The following LDAH variants were observed in gnomAD, a reference collection of about 807,000 sequenced individuals.
LDAH encodes the protein lipid droplet associated hydrolase.
LDAH carries 26 observed loss-of-function variants against 29.6 expected under a neutral mutation model. That is an observed-to-expected ratio of 0.88 (90% CI 0.64 to 1.22). The LOEUF (loss-of-function observed/expected upper bound fraction) is 1.22. LDAH is among the 50% of genes most tolerant of loss of function. LDAH has a pLI of 0.00. For synonymous variants in LDAH, 117 were observed against 133.0 expected, an observed-to-expected ratio of 0.88 and a Z score of 0.83; for missense variants, 344 against 387.3, an observed-to-expected ratio of 0.89 and a Z score of 0.94.
chr2:20,697,125 A>G (rs752112176), intron 6 of LDAH, among the ~76,000 whole-genome samples: 3 of 152,116 alleles, frequency 2.0e-5, no homozygotes, highest in Non-Finnish European at 4.4e-5. Flanking sequence ...ATCCACTTGC[A>G]TGTCCCACTG....
chr2:20,692,232 A>T (rs1278993159), intron 6 of LDAH, among the ~76,000 whole-genome samples: 2 of 152,222 alleles, frequency 1.3e-5, no homozygotes, highest in African/African-American at 4.8e-5. Context: ...CTTAAATACA[A>T]CAGGCAGACA....
intron 4 of LDAH, among the ~76,000 whole-genome samples, chr2:20,742,090 C>T (rs985317798): frequency 6.6e-6 from 1 of 152,126 alleles, no homozygotes; most frequent in African/African-American, 2.4e-5. Context: ...GTTTAATCTC[C>T]ATGTATTTTG....
intron 5 of LDAH, among the ~76,000 whole-genome samples, chr2:20,739,423 C>A (rs533879694): frequency 6.6e-6 from 1 of 152,250 alleles, no homozygotes; most frequent in South Asian, 2.1e-4. Flanking sequence ...TTTAAAACAA[C>A]TTTTGAAGCC....
intron 2 of LDAH, among the ~76,000 whole-genome samples, chr2:20,791,887 C>G (rs1670981884): frequency 6.6e-6 from 1 of 152,086 alleles, no homozygotes; most frequent in Non-Finnish European, 1.5e-5. Flanking sequence ...TCTTCAGACC[C>G]AATACTACAT....
chr2:20,695,062 G>A (rs780017366), intron 6 of LDAH, among the ~76,000 whole-genome samples: 1 of 152,234 alleles, frequency 6.6e-6, no homozygotes, highest in Non-Finnish European at 1.5e-5. Flanking sequence ...GTACTGGAAT[G>A]GTTTTACTCA....
Position 20,685,527 on chromosome 2 carries a change from G to A in LDAH, c.*1376C>T. On this transcript the variant is annotated 3_prime_UTR_variant, in exon 7 of 7. Transcript: ENST00000237822. The stretch of plus-strand genomic sequence containing the variant: ...GATGTAGAAGCTATGCCAAAGCACA[G>A]TAACTCATTCAGCACTTACCAATAA... 1 of 1,549,486 alleles carries A rather than the reference G, an allele frequency of 6.5e-7. No homozygotes were observed. The highest frequency in any genetic ancestry group is 8.7e-7 in the Non-Finnish European group (1 of 1,146,612).
At chr2:20,758,522 T>C (rs575801562) in intron 4 of LDAH, among the ~76,000 whole-genome samples, 5 of 152,316 alleles carry the variant, frequency 3.3e-5, no homozygotes, top group Admixed American at 3.3e-4. Context: ...AGAGTTACTG[T>C]ATGCAGATTA....
At chr2:20,799,278 C>T (rs1671507959) in intron 2 of LDAH, among the ~76,000 whole-genome samples, 1 of 152,024 alleles carries the variant, frequency 6.6e-6, no homozygotes, top group African/African-American at 2.4e-5. Flanking sequence ...CAGGAATATA[C>T]CAGTGTTAAA....
At chr2:20,782,078 A>G (rs1045569512) in intron 3 of LDAH, among the ~76,000 whole-genome samples, 2 of 152,182 alleles carry the variant, frequency 1.3e-5, no homozygotes, top group African/African-American at 4.8e-5. Context: ...GTTTATTGTG[A>G]ACATCTAGGG....
chr2:20,734,434 A>G (rs558385165), intron 5 of LDAH, among the ~76,000 whole-genome samples: 1 of 152,266 alleles, frequency 6.6e-6, no homozygotes, highest in Admixed American at 6.5e-5. Context: ...GATTTTGAGT[A>G]TCTCTTTTGA....
At chr2:20,729,013 A>C (rs1666212866) in intron 5 of LDAH, among the ~76,000 whole-genome samples, 1 of 152,240 alleles carries the variant, frequency 6.6e-6, no homozygotes, top group Non-Finnish European at 1.5e-5. Context: ...GATTTACAAA[A>C]TGTATTTCAT....
chr2:20,795,006 C>T (rs1271896346), intron 2 of LDAH, among the ~76,000 whole-genome samples: 1 of 152,146 alleles, frequency 6.6e-6, no homozygotes, highest in Non-Finnish European at 1.5e-5. Context: ...AAGGCCTACA[C>T]TTATGCAACT....
chr2:20,709,652 T>C (rs1664562634), intron 5 of LDAH, among the ~76,000 whole-genome samples: 1 of 152,126 alleles, frequency 6.6e-6, no homozygotes, highest in Non-Finnish European at 1.5e-5. Flanking sequence ...ATTCCACCTA[T>C]AGACAAGAGA....
At chr2:20,701,251 A>G (rs1453586601) in intron 6 of LDAH, among the ~76,000 whole-genome samples, 1 of 152,198 alleles carries the variant, frequency 6.6e-6, no homozygotes, top group South Asian at 2.1e-4. Context: ...ATATTCCAAC[A>G]TTATTTATTC....
Position 20,688,580 on chromosome 2 carries a change from G to A in LDAH, c.787-1486C>T, listed in dbSNP as rs144671374. 1.7e-3 allele frequency among the ~76,000 whole-genome samples: 260 copies of A among 152,264 alleles called. 2 individuals carry two copies. Among genetic ancestry groups the A allele is most frequent in the African/African-American group, 5.9e-3 (246 of 41,536 alleles). ...GGGAGGAGAGTGCAGGGAAGCAGGC[G>A]TTATTGCTCACTGGATAGTTTGAGT... On this transcript the variant is annotated intron_variant, in intron 6 of 6. Transcript: ENST00000237822.
chr2:20,717,778 AGT>A lies in LDAH; in HGVS notation c.704-16128_704-16127del, dbSNP rs571168143. Among the ~76,000 whole-genome samples the A allele has an allele frequency of 1.4e-3, 208 of 151,756 alleles. No homozygotes were observed. In the Middle Eastern group the frequency reaches 0.034, roughly 25 times the overall value. ...TTGTGATCAAAGTTAGGTTGCTATCAGTGTGTGTGTGTGTCTGTGTGTGTTTG... is the reference window on the plus strand; with the variant it reads ...TTGTGATCAAAGTTAGGTTGCTATCAGTGTGTGTGTGTCTGTGTGTGTTTG... On this transcript the variant is annotated intron_variant, in intron 5 of 6. Transcript: ENST00000237822.
intron 5 of LDAH, among the ~76,000 whole-genome samples, chr2:20,716,110 T>A (rs552908054): frequency 6.6e-6 from 1 of 152,256 alleles, no homozygotes; most frequent in South Asian, 2.1e-4. Flanking sequence ...GAAATTGGAA[T>A]GCTTTTACAC....
At chr2:20,781,317 T>C (rs556299324) in intron 3 of LDAH, among the ~76,000 whole-genome samples, 3 of 152,342 alleles carry the variant, frequency 2.0e-5, no homozygotes, top group African/African-American at 4.8e-5. Context: ...ATGATTGTGA[T>C]AATGTGGTCT....
intron 4 of LDAH, among the ~76,000 whole-genome samples, chr2:20,749,395 A>T (rs1355647687): frequency 6.6e-6 from 1 of 152,206 alleles, no homozygotes; most frequent in Non-Finnish European, 1.5e-5. Context: ...TTACTAAAAG[A>T]TATTGTGAAA....
Sources: allele counts gnomAD v4.1 joint callset (sites outside exome capture counted in the v4.1 genomes callset), GRCh38; gene constraint gnomAD v4.1.1; transcripts MANE v1.5; gene names NCBI Gene and HGNC (gene_info 2026-07-23, HGNC 2026-07-21).